Variants in PNPLA7 observed in about 807,000 individuals in gnomAD.
The protein encoded by PNPLA7 is patatin like domain 7, lysophospholipase, also known as patatin-like phospholipase domain-containing protein 7.
In PNPLA7, 153 loss-of-function variants were observed where a neutral mutation model predicts 161.7. The observed-to-expected ratio is 0.95, with a 90% CI of 0.83 to 1.08. PNPLA7 has a LOEUF of 1.08. PNPLA7 is among the 50% of genes least tolerant of loss of function. The pLI, the probability that PNPLA7 is intolerant of heterozygous loss-of-function variation, is 0.00. For synonymous variants in PNPLA7, 809 were observed against 782.1 expected, an observed-to-expected ratio of 1.03 and a Z score of -0.57; for missense variants, 1,739 against 1,856.6, an observed-to-expected ratio of 0.94 and a Z score of 1.16.
chr9:137,514,704 T>C (rs1285868123), intron 12 of PNPLA7, among the ~76,000 whole-genome samples: 1 of 91,162 alleles, frequency 1.1e-5, no homozygotes, highest in East Asian at 3.6e-4. Context: ...CGGATGTTGA[T>C]GTGCCCGGGC....
At position 137,524,269 on chromosome 9, in the gene PNPLA7, G is replaced by T. The variant is rs1321341993; in HGVS notation, c.748-1412C>A. 1.3e-5 allele frequency among the ~76,000 whole-genome samples: 2 copies of T among 152,162 alleles called. No individual in the cohort carries two copies. Among genetic ancestry groups the T allele is most frequent in the Non-Finnish European group, 2.9e-5 (2 of 68,040 alleles). On this transcript the variant is annotated intron_variant, in intron 8 of 34. Coordinates refer to ENST00000406427, the MANE Select transcript of PNPLA7 (RefSeq NM_001098537.3). The surrounding 1 kb of genome is among the most constrained non-coding windows in gnomAD (Gnocchi z 4.4). ...CCCCACGGTGGCATGTCTGACAGAGGTCTCTGCCTTGACTCCCAAGTGCTG... is the reference window on the plus strand; with the variant it reads ...CCCCACGGTGGCATGTCTGACAGAGTTCTCTGCCTTGACTCCCAAGTGCTG...
At chr9:137,548,334 G>C (rs1257467453) in intron 1 of PNPLA7, among the ~76,000 whole-genome samples, 4 of 152,196 alleles carry the variant, frequency 2.6e-5, no homozygotes, top group African/African-American at 9.7e-5. Context: ...AGGCAGCCAG[G>C]AACCGGATAG....
Position 137,547,736 on chromosome 9 carries a change from A to G in PNPLA7, c.31-77T>C. Reference sequence around the variant, plus strand: ...AACTTGTTCAGAGCAGCAGGAGGAGAGCTGGGAGTTAGGGGAGAAGTCAGC... The same window carrying G: ...AACTTGTTCAGAGCAGCAGGAGGAGGGCTGGGAGTTAGGGGAGAAGTCAGC... On this transcript the variant is annotated intron_variant, in intron 1 of 34. Transcript: ENST00000406427. The surrounding 1 kb of genome is among the most constrained non-coding windows in gnomAD (Gnocchi z 4.6). 1 of 1,379,512 alleles carries G rather than the reference A, an allele frequency of 7.2e-7. No individual in the cohort carries two copies. The highest frequency in any genetic ancestry group is 1.0e-6 in the Non-Finnish European group (1 of 968,464). 85.5% of individuals were successfully genotyped at this position (1,379,512 alleles called of 1,614,324 possible). A position where few individuals can be genotyped will look rare whatever the true frequency, so the allele number is the denominator to read the frequency against.
chr9:137,481,574 G>C (rs1171313632), intron 21 of PNPLA7, among the ~76,000 whole-genome samples: 3 of 152,212 alleles, frequency 2.0e-5, no homozygotes. Flanking sequence ...GCTAAGATGA[G>C]GGGCTCAGCC....
At chr9:137,511,268 CCT>C (rs932303203) in intron 12 of PNPLA7, among the ~76,000 whole-genome samples, 4 of 140,166 alleles carry the variant, frequency 2.9e-5, no homozygotes, top group African/African-American at 1.1e-4. Flanking sequence ...TGGACCTTGG[CCT>C]GGTGGTAGCG....
chr9:137,509,600 A>G (rs1250947966), intron 12 of PNPLA7: 5 of 363,520 alleles, frequency 1.4e-5, no homozygotes, highest in Admixed American at 5.8e-5. Context: ...GCTGGTACAA[A>G]TGAGTTTAGC....
chr9:137,462,107 G>T (rs1831237577), intron 31 of PNPLA7, 66 bp from the exon 32 acceptor site: 2 of 1,518,342 alleles, frequency 1.3e-6, no homozygotes, highest in South Asian at 2.5e-5. Flanking sequence ...GTTCTCAAAA[G>T]GGGGAAGCGA....
At chr9:137,521,479 G>A (rs901755494) in intron 10 of PNPLA7, among the ~76,000 whole-genome samples, 157 bp downstream of exon 10, 2 of 152,222 alleles carry the variant, frequency 1.3e-5, no homozygotes, top group African/African-American at 4.8e-5. Flanking sequence ...AGCACAACCA[G>A]CCCCTCCCAA....
At chr9:137,545,670 T>A (rs967509051) in intron 4 of PNPLA7, among the ~76,000 whole-genome samples, 1 of 152,172 alleles carries the variant, frequency 6.6e-6, no homozygotes, top group Non-Finnish European at 1.5e-5. Context: ...TATTCCAATA[T>A]TATAATAATC....
Position 137,543,291 on chromosome 9 carries a change from G to A in PNPLA7, c.506+141C>T. 9.3e-7 allele frequency: 1 copy of A among 1,073,224 alleles called. No individual in the cohort carries two copies. The allele number at this position is 1,073,224 out of a possible 1,614,324, so 66.5% of individuals were successfully genotyped here. A position where few individuals can be genotyped will look rare whatever the true frequency, so the allele number is the denominator to read the frequency against. On this transcript the variant is annotated intron_variant, in intron 6 of 34. Coordinates refer to ENST00000406427, the MANE Select transcript of PNPLA7 (RefSeq NM_001098537.3). The surrounding 1 kb of genome is among the most constrained non-coding windows in gnomAD (Gnocchi z 6.9). ...CAGCAGACCACGAGGCCCCGCCACGGGGCACAGACACCAGCAGCCCCACGA... is the reference window on the plus strand; with the variant it reads ...CAGCAGACCACGAGGCCCCGCCACGAGGCACAGACACCAGCAGCCCCACGA...
In PNPLA7 at chr9:137,486,821, C is replaced by A. The variant is rs951232823; in HGVS notation, c.2198-2085G>T. ...CTTTTTTGCTCAAAGCCCCTGGTGC[C>A]CCTCCCCACTCAGAACAAGCCAGAG... On this transcript the variant is annotated intron_variant, in intron 20 of 34. Coordinates refer to ENST00000406427, the MANE Select transcript of PNPLA7 (RefSeq NM_001098537.3). This position sits in a 1 kb window ranked among gnomAD's most constrained non-coding sequence, Gnocchi z 6.0. Among the ~76,000 whole-genome samples, 2 of 152,094 alleles carry A rather than the reference C, an allele frequency of 1.3e-5. No individual in the cohort carries two copies. Among genetic ancestry groups the A allele is most frequent in the African/African-American group, 4.8e-5 (2 of 41,410 alleles).
At chr9:137,545,680 C>A (rs1257226776) in intron 4 of PNPLA7, among the ~76,000 whole-genome samples, 1 of 152,080 alleles carries the variant, frequency 6.6e-6, no homozygotes, top group Non-Finnish European at 1.5e-5. Context: ...TTATAATAAT[C>A]CTCACTCTAT....
At chr9:137,484,559 G>A (rs1486230543) in intron 21 of PNPLA7, 28 bp downstream of exon 21, 1 of 1,562,190 alleles carries the variant, frequency 6.4e-7, no homozygotes, top group Admixed American at 1.8e-5. Context: ...ACCCAAGGAT[G>A]GCTGGAGGCT....
chr9:137,475,180 A>G (rs1224041100), intron 25 of PNPLA7, among the ~76,000 whole-genome samples: 1 of 152,056 alleles, frequency 6.6e-6, no homozygotes, highest in East Asian at 1.9e-4. Flanking sequence ...AAAAAGAGCC[A>G]CATGAAGGCC....
intron 12 of PNPLA7, among the ~76,000 whole-genome samples, chr9:137,513,823 C>G (rs1195667750): frequency 6.6e-6 from 1 of 152,218 alleles, no homozygotes; most frequent in Non-Finnish European, 1.5e-5. Context: ...AGAATCAACA[C>G]AAATCAACCA....
intron 17 of PNPLA7, among the ~76,000 whole-genome samples, chr9:137,497,628 T>C (rs1279193962): frequency 6.6e-6 from 1 of 152,182 alleles, no homozygotes; most frequent in Admixed American, 6.5e-5. Context: ...CCCAGGTTCA[T>C]GTGATTCTCC....
chr9:137,503,931 A>AGAAT (rs1399159342), intron 14 of PNPLA7, among the ~76,000 whole-genome samples: 130 of 3,696 alleles, frequency 0.035, no homozygotes, highest in Non-Finnish European at 0.056. Context: ...AGAAGAAGGA[A>AGAAT]GAAGAAGAAG....
At position 137,460,260 on chromosome 9, in the gene PNPLA7, C is replaced by T; in HGVS notation, c.*133G>A. On this transcript the variant is annotated 3_prime_UTR_variant, in exon 35 of 35. Coordinates refer to ENST00000406427, the MANE Select transcript of PNPLA7 (RefSeq NM_001098537.3). Reference sequence around the variant, plus strand: ...AAAGAAGAGGCCCAGAGAACCCTAACACAGCCTGGGGCCCCGGGGAAGTCA... The same window carrying T: ...AAAGAAGAGGCCCAGAGAACCCTAATACAGCCTGGGGCCCCGGGGAAGTCA... The T allele has an allele frequency of 1.2e-6, 1 of 849,788 alleles. No individual in the cohort carries two copies. The highest frequency in any genetic ancestry group is 1.8e-6 in the Non-Finnish European group (1 of 553,178). 52.6% of individuals were successfully genotyped at this position (849,788 alleles called of 1,614,324 possible).
intron 20 of PNPLA7, among the ~76,000 whole-genome samples, chr9:137,487,725 C>G (rs542265011): frequency 6.6e-6 from 1 of 152,242 alleles, no homozygotes; most frequent in African/African-American, 2.4e-5. Flanking sequence ...CCAGCCACAC[C>G]GGCACGGAAC....
Sources: allele counts gnomAD v4.1 joint callset (sites outside exome capture counted in the v4.1 genomes callset), GRCh38; gene constraint gnomAD v4.1.1; non-coding constraint Gnocchi (gnomAD v3.1); transcripts MANE v1.5; gene names NCBI Gene and HGNC (gene_info 2026-07-23, HGNC 2026-07-21).